The following MECOM variants were observed in gnomAD, a reference collection of about 807,000 sequenced individuals.
MECOM encodes histone-lysine N-methyltransferase MECOM.
A neutral mutation model predicts 116.3 loss-of-function variants in MECOM; 13 were observed. That is an observed-to-expected ratio of 0.11 (90% CI 0.07 to 0.18). The LOEUF is 0.18. Ranked by LOEUF, MECOM falls within the 10% of genes least tolerant of loss-of-function variation. The pLI is 1.00. For missense variants in MECOM, 1,299 were observed against 1,509.0 expected (o/e 0.86, Z 2.31); for synonymous variants, 528 against 535.2 (o/e 0.99, Z 0.19).
At chr3:169,224,479 CT>C (rs1189591737) in intron 2 of MECOM, among the ~76,000 whole-genome samples, 1 of 152,174 alleles carries the variant, frequency 6.6e-6, no homozygotes, top group African/African-American at 2.4e-5. Context: ...AGCCCCAACA[CT>C]TTCCCAGGCC....
At chr3:169,354,918 G>A (rs551205283) in intron 2 of MECOM, among the ~76,000 whole-genome samples, 2 of 151,892 alleles carry the variant, frequency 1.3e-5, no homozygotes, top group African/African-American at 2.4e-5. Flanking sequence ...ATAGCATCCC[G>A]GCGCAATGAA....
chr3:169,174,705 T>C (rs1744895786), intron 2 of MECOM, among the ~76,000 whole-genome samples: 2 of 152,184 alleles, frequency 1.3e-5, no homozygotes, highest in African/African-American at 2.4e-5. Flanking sequence ...CCTGAAAGTA[T>C]GTTAGGAGAA....
At chr3:169,179,373 G>A (rs986319869) in intron 2 of MECOM, among the ~76,000 whole-genome samples, 12 of 152,172 alleles carry the variant, frequency 7.9e-5, no homozygotes, top group Non-Finnish European at 1.5e-4. Flanking sequence ...AGTCAACAGG[G>A]AATAATTAAA....
rs41396444 is a variant in MECOM at position 169,407,617 on chromosome 3, A to T, written c.38-26093T>A. 1.8e-3 allele frequency among the ~76,000 whole-genome samples: 279 copies of T among 152,346 alleles called. 5 individuals carry two copies. The East Asian group carries it at 0.048, about 26-fold the overall frequency. On this transcript the variant is annotated intron_variant, in intron 1 of 16. Transcript: ENST00000651503. The stretch of plus-strand genomic sequence containing the variant: ...AGAAGGGCTTGCTACTTATATCTTA[A>T]ACACCTCAAACTAATTGTAAAATAC...
At chr3:169,610,214 G>C (rs1163198259) in intron 1 of MECOM, among the ~76,000 whole-genome samples, 2 of 152,008 alleles carry the variant, frequency 1.3e-5, no homozygotes, top group Non-Finnish European at 2.9e-5. Flanking sequence ...CAAGTTCTCA[G>C]TACATATATA....
In MECOM at chr3:169,520,430, C is replaced by T. The variant is rs527669713; in HGVS notation, c.38-138906G>A. ...AGGATCTGAACTCTAGCTCTTGTTC[C>T]GCCATTTTCTTGAGCCACATCCTCT... On this transcript the variant is annotated intron_variant, in intron 1 of 16. Coordinates refer to ENST00000651503, the MANE Select transcript of MECOM (RefSeq NM_004991.4). Among the ~76,000 whole-genome samples the T allele has an allele frequency of 2.6e-4, 40 of 152,208 alleles. No homozygotes were observed. In the South Asian group the frequency reaches 4.6e-3, roughly 17 times the overall value.
chr3:169,524,070 T>C (rs1464702709), intron 1 of MECOM, among the ~76,000 whole-genome samples: 3 of 145,656 alleles, frequency 2.1e-5, no homozygotes, highest in African/African-American at 7.5e-5. Context: ...ATATATTTGC[T>C]GTTTATTTTA....
At chr3:169,638,751 G>A (rs772158139) in intron 1 of MECOM, among the ~76,000 whole-genome samples, 2 of 152,136 alleles carry the variant, frequency 1.3e-5, no homozygotes, top group Non-Finnish European at 2.9e-5. Flanking sequence ...TGCTGCGTGG[G>A]TGGGATTAAC....
intron 2 of MECOM, among the ~76,000 whole-genome samples, chr3:169,365,509 G>A (rs1400005653): frequency 6.6e-6 from 1 of 152,018 alleles, no homozygotes; most frequent in African/African-American, 2.4e-5. Context: ...CCCATCTGCT[G>A]CTCTTTGGAA....
chr3:169,356,754 T>C (rs1309781898), intron 2 of MECOM, among the ~76,000 whole-genome samples: 1 of 151,936 alleles, frequency 6.6e-6, no homozygotes, highest in Non-Finnish European at 1.5e-5. Context: ...TCATTCATGC[T>C]CACTGTTAAT....
At chr3:169,500,386 G>T (rs966271508) in intron 1 of MECOM, among the ~76,000 whole-genome samples, 7 of 151,802 alleles carry the variant, frequency 4.6e-5, no homozygotes, top group African/African-American at 1.7e-4. Context: ...TGATTATTCA[G>T]CTATGAATAA....
intron 9 of MECOM, among the ~76,000 whole-genome samples, chr3:169,110,010 G>A (rs1560167151): frequency 1.3e-5 from 2 of 151,962 alleles, no homozygotes; most frequent in Non-Finnish European, 2.9e-5. Context: ...CAAGAAATAG[G>A]GCAGATATTA....
intron 2 of MECOM, among the ~76,000 whole-genome samples, chr3:169,305,556 G>T (rs1300238713): frequency 6.6e-6 from 1 of 152,204 alleles, no homozygotes; most frequent in Non-Finnish European, 1.5e-5. Flanking sequence ...GGGCTTCCAA[G>T]ATAATGGTAA....
At chr3:169,378,399 AAG>A (rs1168198736) in intron 2 of MECOM, among the ~76,000 whole-genome samples, 1 of 45,952 alleles carries the variant, frequency 2.2e-5, no homozygotes, top group Non-Finnish European at 3.6e-5. Flanking sequence ...GAAAGAAAGA[AAG>A]AAAGAAAGAA....
intron 2 of MECOM, among the ~76,000 whole-genome samples, chr3:169,203,799 G>A (rs1559988388): frequency 6.6e-6 from 1 of 152,122 alleles, no homozygotes; most frequent in Admixed American, 6.6e-5. Context: ...ATTTTACTTG[G>A]GAGAATGAGC....
intron 2 of MECOM, among the ~76,000 whole-genome samples, chr3:169,379,421 G>C (rs1273718239): frequency 2.0e-5 from 3 of 151,970 alleles, no homozygotes; most frequent in African/African-American, 7.2e-5. Flanking sequence ...TTTTATAAAG[G>C]TGTCTTGAAT....
intron 1 of MECOM, among the ~76,000 whole-genome samples, chr3:169,620,068 C>T (rs964377874): frequency 3.3e-5 from 5 of 152,166 alleles, no homozygotes; most frequent in African/African-American, 9.7e-5. Flanking sequence ...CCATCCGAGC[C>T]GAAGCAATGG....
chr3:169,110,909 C>T (rs556089911), intron 9 of MECOM, among the ~76,000 whole-genome samples: 15 of 152,204 alleles, frequency 9.9e-5, no homozygotes, highest in East Asian at 7.7e-4. Flanking sequence ...CTGCTATGCT[C>T]GAAGCACTGG....
At chr3:169,124,055 T>C (rs1180814077) in intron 5 of MECOM, among the ~76,000 whole-genome samples, 1 of 152,062 alleles carries the variant, frequency 6.6e-6, no homozygotes, top group Non-Finnish European at 1.5e-5. Context: ...AGGTAATAAA[T>C]GATGAAACAA....
Sources: gnomAD v4.1 joint callset for allele counts (sites outside exome capture counted in the v4.1 genomes callset) on GRCh38, gnomAD v4.1.1 for gene constraint, MANE v1.5 for transcripts, NCBI Gene and HGNC (gene_info 2026-07-23, HGNC 2026-07-21) for gene names.